The following KAZN variants were observed in gnomAD, a reference collection of about 807,000 sequenced individuals.
KAZN encodes kazrin, periplakin interacting protein, also known as kazrin.
A neutral mutation model predicts 87.4 loss-of-function variants in KAZN; 40 were observed. The ratio of observed to expected loss-of-function variants is 0.46; its 90% CI spans 0.36 to 0.60. KAZN has a LOEUF of 0.60. Among genes scored for constraint, KAZN ranks in the 20% least tolerant of loss-of-function variants. The probability of loss-of-function intolerance (pLI) is 0.00; values close to 1 mark genes in which losing one functional copy is unlikely to be tolerated. For missense variants in KAZN, 898 were observed against 1,073.9 expected (o/e 0.84, Z 2.29); for synonymous variants, 466 against 458.3 (o/e 1.02, Z -0.22).
At chr1:14,199,438 C>A (rs1412189841) in intron 2 of KAZN, among the ~76,000 whole-genome samples, 1 of 152,294 alleles carries the variant, frequency 6.6e-6, no homozygotes, top group East Asian at 1.9e-4. Flanking sequence ...CCCTTCCTGA[C>A]TACACTATTG....
chr1:14,464,779 G>T (rs1477171931), intron 2 of KAZN, among the ~76,000 whole-genome samples: 1 of 151,880 alleles, frequency 6.6e-6, no homozygotes, highest in East Asian at 1.9e-4. Flanking sequence ...GACCTCAAGT[G>T]ATTCACCTGC....
At position 15,048,784 on chromosome 1, in the gene KAZN, T is replaced by A. The variant is rs182304727; in HGVS notation, c.726+4625T>A. ...TGGGTCGTCGATCCTGGGTCGTTGATCCTTGGTCATTGGTCCTGAGTCGTT... is the reference window on the plus strand; with the variant it reads ...TGGGTCGTCGATCCTGGGTCGTTGAACCTTGGTCATTGGTCCTGAGTCGTT... On this transcript the variant is annotated intron_variant, in intron 4 of 14. Transcript: ENST00000376030. Among the ~76,000 whole-genome samples the A allele has an allele frequency of 4.0e-5, 6 of 148,164 alleles. No individual in the cohort carries two copies. In the East Asian group the frequency reaches 1.2e-3, roughly 30 times the overall value.
intron 2 of KAZN, among the ~76,000 whole-genome samples, chr1:14,342,431 T>C (rs1312074619): frequency 6.6e-6 from 1 of 152,222 alleles, no homozygotes; most frequent in Non-Finnish European, 1.5e-5. Context: ...ACAATCTGTA[T>C]TGTACTAATT....
At chr1:14,934,859 G>C (rs900625734) in intron 1 of KAZN, among the ~76,000 whole-genome samples, 1 of 152,246 alleles carries the variant, frequency 6.6e-6, no homozygotes, top group African/African-American at 2.4e-5. Context: ...GGGCCAGCCA[G>C]GTCTGTGGCC....
At chr1:14,556,010 G>A (rs1169403189) in intron 2 of KAZN, among the ~76,000 whole-genome samples, 1 of 152,096 alleles carries the variant, frequency 6.6e-6, no homozygotes. Flanking sequence ...CTCCCCATTC[G>A]GTGATATGTT....
intron 8 of KAZN, among the ~76,000 whole-genome samples, chr1:15,071,164 G>A (rs973791920): frequency 8.5e-5 from 13 of 152,172 alleles, no homozygotes; most frequent in Admixed American, 6.5e-5. Flanking sequence ...CAAAGTTATG[G>A]CATGTCACTA....
intron 2 of KAZN, among the ~76,000 whole-genome samples, chr1:14,987,569 AG>A (rs1477256020): frequency 1.3e-5 from 2 of 152,106 alleles, no homozygotes; most frequent in Non-Finnish European, 2.9e-5. Context: ...CCCGGAGCTC[AG>A]GGGAGGAACC....
chr1:14,607,147 T>C (rs1677435379), intron 1 of KAZN, among the ~76,000 whole-genome samples: 2 of 152,216 alleles, frequency 1.3e-5, no homozygotes, highest in African/African-American at 2.4e-5. Flanking sequence ...ACTTTATACA[T>C]GGTATCATGA....
intron 1 of KAZN, among the ~76,000 whole-genome samples, chr1:14,663,947 A>G (rs928183158): frequency 1.3e-5 from 2 of 152,254 alleles, no homozygotes; most frequent in Admixed American, 1.3e-4. Context: ...CGAGTGGATC[A>G]GCAAAATGTG....
At chr1:14,776,612 CG>C (rs1482612134) in intron 1 of KAZN, among the ~76,000 whole-genome samples, 5 of 152,078 alleles carry the variant, frequency 3.3e-5, no homozygotes, top group Non-Finnish European at 5.9e-5. Flanking sequence ...AAGGACATCA[CG>C]GATATCTCAT....
chr1:14,684,062 C>G (rs1640823919), intron 1 of KAZN, among the ~76,000 whole-genome samples: 1 of 152,204 alleles, frequency 6.6e-6, no homozygotes, highest in East Asian at 1.9e-4. Context: ...TGGGCTTGGG[C>G]TGTCTACGCA....
At position 15,094,889 on chromosome 1, in the gene KAZN, G is replaced by A. The variant is rs1242036008; in HGVS notation, c.1503G>A (p.Leu501=). 3.9e-6 allele frequency: 6 copies of A among 1,550,518 alleles called. No individual in the cohort carries two copies. The highest frequency in any genetic ancestry group is 5.2e-6 in the Non-Finnish European group (6 of 1,146,802). Residue 501 remains leucine, a synonymous_variant, in exon 10 of 15, where the codon CTG becomes CTA. Transcript: ENST00000376030. This position sits in a 1 kb window ranked among gnomAD's most constrained non-coding sequence, Gnocchi z 4.5. ...GCAGCTCCCTGCACCGGCGCAAGCT[G>A]CGCCTGGCCATCGAGGACTACCGTG... The part of the protein sequence containing the change: ...GVCSSLHRRK[L]RLAIEDYRDA...
chr1:14,178,310 A>G (rs1646127721), intron 1 of KAZN, among the ~76,000 whole-genome samples: 1 of 152,162 alleles, frequency 6.6e-6, no homozygotes, highest in Non-Finnish European at 1.5e-5. Flanking sequence ...TTCTTCAACT[A>G]CTGTTTCTGT....
At chr1:14,390,505 G>T (rs1171443158) in intron 2 of KAZN, among the ~76,000 whole-genome samples, 1 of 152,202 alleles carries the variant, frequency 6.6e-6, no homozygotes, top group African/African-American at 2.4e-5. Flanking sequence ...ATGTTTTGGG[G>T]GATGAGCATT....
intron 2 of KAZN, among the ~76,000 whole-genome samples, chr1:15,022,222 C>G (rs1435128006): frequency 6.6e-6 from 1 of 152,116 alleles, no homozygotes; most frequent in Non-Finnish European, 1.5e-5. Context: ...TGCCCTGGCT[C>G]CAAACGGGTC....
At chr1:14,525,401 C>T (rs755461077) in intron 2 of KAZN, among the ~76,000 whole-genome samples, 4 of 152,216 alleles carry the variant, frequency 2.6e-5, no homozygotes, top group Non-Finnish European at 4.4e-5. Context: ...GTGTCTGTTG[C>T]AACTACTCAG....
chr1:14,055,901 C>T (rs72861225), intron 1 of KAZN, among the ~76,000 whole-genome samples: 3,335 of 152,236 alleles, frequency 0.022, 114 homozygotes, highest in African/African-American at 0.075. Context: ...AAAATGCTAC[C>T]GAGCCTTTTA....
intron 2 of KAZN, among the ~76,000 whole-genome samples, chr1:14,206,948 T>G (rs1646758713): frequency 7.0e-6 from 1 of 143,228 alleles, no homozygotes; most frequent in African/African-American, 2.6e-5. Context: ...TCCTTTCTTT[T>G]CTTCTTCTTT....
At chr1:14,890,813 G>C (rs1305687654) in intron 1 of KAZN, among the ~76,000 whole-genome samples, 1 of 144,028 alleles carries the variant, frequency 6.9e-6, no homozygotes, top group Non-Finnish European at 1.5e-5. Flanking sequence ...ACAGGTATGA[G>C]CCACTGTGCC....
Sources: allele counts gnomAD v4.1 joint callset (sites outside exome capture counted in the v4.1 genomes callset), GRCh38; gene constraint gnomAD v4.1.1; non-coding constraint Gnocchi (gnomAD v3.1); transcripts MANE v1.5; gene names NCBI Gene and HGNC (gene_info 2026-07-23, HGNC 2026-07-21).